Variants in NAV3 observed in about 807,000 individuals in gnomAD.
NAV3 encodes pore membrane and/or filament interacting like protein 1.
A neutral mutation model predicts 244.7 loss-of-function variants in NAV3; 87 were observed. That is an observed-to-expected ratio of 0.36 (90% CI 0.30 to 0.42). NAV3 has a LOEUF of 0.42. Ranked by LOEUF, NAV3 falls within the 20% of genes least tolerant of loss-of-function variation. The pLI is 1.00. For missense variants in NAV3, 2,663 were observed against 2,893.3 expected, an observed-to-expected ratio of 0.92 and a Z score of 1.83; for synonymous variants, 1,126 against 1,042.2, an observed-to-expected ratio of 1.08 and a Z score of -1.55.
intron 5 of NAV3, among the ~76,000 whole-genome samples, chr12:77,982,267 C>T (rs141823688): frequency 0.018 from 1,147 of 62,198 alleles, 333 homozygotes; most frequent in Admixed American, 0.18. Flanking sequence ...ACATTAGAGC[C>T]GTGTGTTCTT....
chr12:77,707,055 T>TTCTTTCTC (rs1282698499), intron 2 of NAV3, among the ~76,000 whole-genome samples: 1 of 151,722 alleles, frequency 6.6e-6, no homozygotes, highest in African/African-American at 2.4e-5. Flanking sequence ...TACCTTTTTT[T>TTCTTTCTC]TCTTTCTTTC....
At chr12:78,082,533 G>A (rs1333099369) in intron 12 of NAV3, among the ~76,000 whole-genome samples, 2 of 152,038 alleles carry the variant, frequency 1.3e-5, no homozygotes, top group Non-Finnish European at 2.9e-5. Context: ...AGCACGCTGT[G>A]TATGATTTCT....
intron 1 of NAV3, among the ~76,000 whole-genome samples, chr12:77,912,223 A>G (rs1886669303): frequency 1.3e-5 from 2 of 152,146 alleles, no homozygotes; most frequent in Non-Finnish European, 1.5e-5. Context: ...ATCATACAGA[A>G]TTAGAATGGA....
chr12:77,937,356 G>GC (rs1260169541), intron 1 of NAV3, among the ~76,000 whole-genome samples: 1 of 152,164 alleles, frequency 6.6e-6, no homozygotes, highest in African/African-American at 2.4e-5. Context: ...GTATCTTGAA[G>GC]CCAACTAGCT....
chr12:77,977,652 A>C (rs1385150436), intron 5 of NAV3, among the ~76,000 whole-genome samples: 1 of 151,708 alleles, frequency 6.6e-6, no homozygotes, highest in Non-Finnish European at 1.5e-5. Context: ...CCAAAAGTTG[A>C]AAATCAATAA....
chr12:78,209,750 C>T (rs2140131967), intron 39 of NAV3, among the ~76,000 whole-genome samples: 1 of 152,266 alleles, frequency 6.6e-6, no homozygotes, highest in Non-Finnish European at 1.5e-5. Flanking sequence ...ACTATTGTTC[C>T]AGATGATAGT....
chr12:77,870,046 T>C (rs1229193577), intron 1 of NAV3, among the ~76,000 whole-genome samples: 1 of 152,116 alleles, frequency 6.6e-6, no homozygotes, highest in Admixed American at 6.6e-5. Context: ...GTTACTGCAA[T>C]ATAAAAATGC....
intron 9 of NAV3, among the ~76,000 whole-genome samples, chr12:78,028,878 C>A (rs11107920): frequency 0.087 from 13,229 of 152,088 alleles, 1,604 homozygotes; most frequent in African/African-American, 0.27. Flanking sequence ...TAATTTAGCC[C>A]AGTGACGAGG....
intron 2 of NAV3, among the ~76,000 whole-genome samples, chr12:77,800,155 C>T (rs910517207): frequency 1.3e-5 from 2 of 152,110 alleles, no homozygotes; most frequent in African/African-American, 4.8e-5. Context: ...GCTCTTGAGC[C>T]TTGAACTTGG....
At chr12:77,973,426 T>C (rs1368986298) in intron 5 of NAV3, among the ~76,000 whole-genome samples, 1 of 152,190 alleles carries the variant, frequency 6.6e-6, no homozygotes, top group Non-Finnish European at 1.5e-5. Flanking sequence ...ATATGCCCTT[T>C]TGCTTTTGAT....
In NAV3 at chr12:78,006,769, G is replaced by A. The variant is rs1235111599; in HGVS notation, c.1231G>A (p.Gly411Arg). Reference protein sequence around the residue: ...QPPSSGPSDGGKDDDAFSESG... With the variant: ...QPPSSGPSDGRKDDDAFSESG... ...TCCCAGTTCAGGACCTAGTGATGGT[G>A]GGAAGGATGATGATGCCTTTTCTGA... Residue 411 changes from glycine (G) to arginine (R), a missense_variant, in exon 8 of 40, where the codon GGG becomes AGG. This residue lies in a region of NAV3 where 1,521 missense variants were observed against 1,497.0 expected (regional missense o/e 1.02). Coordinates refer to ENST00000397909, the MANE Select transcript of NAV3 (RefSeq NM_001024383.2). 1.9e-6 allele frequency: 3 copies of A among 1,614,030 alleles called. No individual in the cohort carries two copies. Among genetic ancestry groups the A allele is most frequent in the Non-Finnish European group, 2.5e-6 (3 of 1,180,026 alleles).
intron 12 of NAV3, among the ~76,000 whole-genome samples, chr12:78,110,680 T>G (rs1429115467): frequency 6.7e-6 from 1 of 148,186 alleles, no homozygotes; most frequent in Non-Finnish European, 1.5e-5. Context: ...TAAAGCCATA[T>G]ATATATATAT....
intron 22 of NAV3, among the ~76,000 whole-genome samples, chr12:78,154,128 ATG>A (rs200110503): frequency 0.068 from 9,799 of 144,778 alleles, 351 homozygotes; most frequent in Admixed American, 0.076. Context: ...CTAGGCATAT[ATG>A]TGTGTGTGTG....
chr12:77,999,877 T>G (rs1872946919), intron 7 of NAV3, among the ~76,000 whole-genome samples: 1 of 152,046 alleles, frequency 6.6e-6, no homozygotes, highest in Non-Finnish European at 1.5e-5. Context: ...ATGTGGGAAA[T>G]TTCTAGGGGA....
At chr12:77,882,140 C>G (rs1030099227) in intron 1 of NAV3, among the ~76,000 whole-genome samples, 1 of 152,078 alleles carries the variant, frequency 6.6e-6, no homozygotes, top group Non-Finnish European at 1.5e-5. Flanking sequence ...ACGAAAAGAA[C>G]AAAGCAGAAG....
At chr12:77,594,452 T>C (rs994328124) in intron 2 of NAV3, among the ~76,000 whole-genome samples, 7 of 152,134 alleles carry the variant, frequency 4.6e-5, no homozygotes, top group African/African-American at 1.4e-4. Context: ...TGGACAGAAA[T>C]ACTGTACACT....
intron 2 of NAV3, among the ~76,000 whole-genome samples, chr12:77,646,229 A>G (rs1872599780): frequency 6.6e-6 from 1 of 152,114 alleles, no homozygotes; most frequent in African/African-American, 2.4e-5. Context: ...AGAATTGGTC[A>G]CTAATTAAAA....
At chr12:77,887,181 G>A (rs1883394691) in intron 1 of NAV3, among the ~76,000 whole-genome samples, 1 of 152,068 alleles carries the variant, frequency 6.6e-6, no homozygotes, top group Non-Finnish European at 1.5e-5. Context: ...AGTGAGGGTA[G>A]ACTTAAAGAG....
chr12:77,687,329 G>A (rs1206745430), intron 2 of NAV3, among the ~76,000 whole-genome samples: 4 of 151,342 alleles, frequency 2.6e-5, no homozygotes, highest in African/African-American at 9.7e-5. Context: ...GACACACTAT[G>A]TGTGCATGTA....
Sources: gnomAD v4.1 joint callset for allele counts (sites outside exome capture counted in the v4.1 genomes callset) on GRCh38, gnomAD v4.1.1 for gene constraint, gnomAD v4.1.1 regional missense constraint, MANE v1.5 for transcripts, NCBI Gene and HGNC (gene_info 2026-07-23, HGNC 2026-07-21) for gene names.